DNMT3B: variants seen among roughly 807,000 people sequenced by gnomAD.
DNMT3B encodes DNA (cytosine-5)-methyltransferase 3B.
In DNMT3B, 37 loss-of-function variants were observed where a neutral mutation model predicts 120.2. The ratio of observed to expected loss-of-function variants is 0.31; its 90% CI spans 0.24 to 0.40. The LOEUF (loss-of-function observed/expected upper bound fraction) is 0.40, where lower values mean the gene tolerates loss of function less well. Among genes scored for constraint, DNMT3B ranks in the 10% least tolerant of loss-of-function variants. The pLI, the probability that DNMT3B is intolerant of heterozygous loss-of-function variation, is 1.00. For synonymous variants in DNMT3B, 412 were observed against 442.8 expected (o/e 0.93, Z 0.87); for missense variants, 878 against 1,137.3 (o/e 0.77, Z 3.28).
chr20:32,790,127 A>C (rs1256048580), intron 7 of DNMT3B, among the ~76,000 whole-genome samples: 1 of 152,184 alleles, frequency 6.6e-6, no homozygotes, highest in Non-Finnish European at 1.5e-5. Context: ...ATTTGCCATG[A>C]GCTAATTGAA....
chr20:32,793,558 T>C lies in DNMT3B; in HGVS notation c.1089T>C (p.Arg363=). The C allele has an allele frequency of 6.2e-7, 1 of 1,614,266 alleles. No individual in the cohort carries two copies. Among genetic ancestry groups the C allele is most frequent in the Non-Finnish European group, 8.5e-7 (1 of 1,180,038 alleles). The change falls in exon 10 of 23, where the codon CGT becomes CGC. Residue 363 remains arginine, a synonymous_variant. Coordinates refer to ENST00000328111, the MANE Select transcript of DNMT3B (RefSeq NM_006892.4). ...TQPVVNKSKV[R]RAGSRKLESR... is the part of the protein sequence containing the mutation. Reference sequence around the variant, plus strand: ...AAGTGGTTAATAAGTCGAAGGTGCGTCGTGCAGGCAGTAGGAAATTAGAAT... The same window carrying C: ...AAGTGGTTAATAAGTCGAAGGTGCGCCGTGCAGGCAGTAGGAAATTAGAAT...
chr20:32,765,422 C>CTT lies in DNMT3B; in HGVS notation c.-7+2725_-7+2726dup, dbSNP rs201623266. On this transcript the variant is annotated intron_variant, in intron 1 of 22. Coordinates refer to ENST00000328111, the MANE Select transcript of DNMT3B (RefSeq NM_006892.4). ...GTGAGCATTTTCTTTCTCTTTTTTT[C>CTT]TTTCTTTTTTTTTTTTTTGAGACAG... Among the ~76,000 whole-genome samples the CTT allele has an allele frequency of 1.6e-4, 19 of 121,312 alleles. 1 individual carries two copies. The highest frequency in any genetic ancestry group is 5.7e-4 in the African/African-American group (16 of 28,238). The allele number at this position is 121,312 out of a possible 152,430, so 79.6% of individuals were successfully genotyped here.
chr20:32,787,489 G>C, intron 6 of DNMT3B, 38 bp downstream of exon 6: 1 of 1,597,352 alleles, frequency 6.3e-7, no homozygotes, highest in Non-Finnish European at 8.5e-7. Flanking sequence ...GGTGACTGAG[G>C]ACCCTGAACA....
intron 1 of DNMT3B, among the ~76,000 whole-genome samples, chr20:32,774,674 C>T (rs1056012991): frequency 1.1e-4 from 16 of 151,766 alleles, no homozygotes; most frequent in Admixed American, 5.3e-4. Context: ...CCCATCCTCC[C>T]GTCTTTTTGG....
chr20:32,801,503 T>A, intron 19 of DNMT3B, 77 bp downstream of exon 19: 2 of 1,586,946 alleles, frequency 1.3e-6, no homozygotes, highest in Admixed American at 3.4e-5. Flanking sequence ...GATTGGTGGG[T>A]GTTGCCAACA....
At chr20:32,772,126 T>TG (rs1408772991) in intron 1 of DNMT3B, among the ~76,000 whole-genome samples, 1 of 152,226 alleles carries the variant, frequency 6.6e-6, no homozygotes, top group Non-Finnish European at 1.5e-5. Flanking sequence ...CTCTTGACCG[T>TG]GATTTGATTG....
chr20:32,788,689 C>T (rs1979619780), intron 6 of DNMT3B, among the ~76,000 whole-genome samples, 165 bp from the exon 7 acceptor site: 3 of 152,196 alleles, frequency 2.0e-5, no homozygotes, highest in Non-Finnish European at 2.9e-5. Context: ...CCCCCTGCCT[C>T]GGTCTCCCAA....
At chr20:32,784,938 T>A in intron 4 of DNMT3B, 79 bp downstream of exon 4, 1 of 1,376,154 alleles carries the variant, frequency 7.3e-7, no homozygotes, top group Non-Finnish European at 1.0e-6. Flanking sequence ...ATACATAGCA[T>A]AGCTCCTTAG....
chr20:32,799,183 C>T (rs1306024157), intron 15 of DNMT3B, 61 bp from the exon 16 acceptor site: 3 of 1,563,798 alleles, frequency 1.9e-6, no homozygotes, highest in Non-Finnish European at 2.6e-6. Context: ...CTGCCCCTCC[C>T]TCAGAGCTTG....
intron 3 of DNMT3B, among the ~76,000 whole-genome samples, chr20:32,783,987 T>C (rs958100048): frequency 5.3e-5 from 8 of 151,778 alleles, no homozygotes; most frequent in African/African-American, 1.9e-4. Context: ...CTCGGCTCGC[T>C]GTAACCTCCA....
At chr20:32,771,138 G>A (rs1275530125) in intron 1 of DNMT3B, among the ~76,000 whole-genome samples, 1 of 152,084 alleles carries the variant, frequency 6.6e-6, no homozygotes, top group Non-Finnish European at 1.5e-5. Flanking sequence ...CATATTTTCT[G>A]GTTACGATAG....
chr20:32,789,320 T>C (rs1426751041), intron 7 of DNMT3B, among the ~76,000 whole-genome samples: 1 of 152,190 alleles, frequency 6.6e-6, no homozygotes, highest in Non-Finnish European at 1.5e-5. Context: ...CGTGAGCAAG[T>C]ACCCAAAAGT....
chr20:32,778,688 A>G (rs1358100116), intron 1 of DNMT3B, among the ~76,000 whole-genome samples: 1 of 152,216 alleles, frequency 6.6e-6, no homozygotes, highest in Non-Finnish European at 1.5e-5. Flanking sequence ...CCCGCAATAC[A>G]AGGTGTGGCT....
chr20:32,789,978 G>GC (rs1979774779), intron 7 of DNMT3B, among the ~76,000 whole-genome samples: 1 of 152,198 alleles, frequency 6.6e-6, no homozygotes, highest in African/African-American at 2.4e-5. Flanking sequence ...CCTGAGAGAG[G>GC]CTAAGTTAGG....
Position 32,788,954 on chromosome 20 carries a change from G to C in DNMT3B, c.755G>C (p.Arg252Pro). ...GTGTCTTGGAAGGCCACCTCCAAGC[G>C]ACAGGCTATGTCTGGCATGCGGTGG... is the stretch of plus-strand genomic sequence containing the variant. Reference protein sequence around the residue: ...MVVSWKATSKRQAMSGMRWVQ... With the variant: ...MVVSWKATSKPQAMSGMRWVQ... Residue 252 changes from arginine (R) to proline (P), a missense_variant, in exon 7 of 23, where the codon CGA becomes CCA. By Grantham distance (103) the Arg-to-Pro change is moderately radical. Around this residue, in one of 4 missense-constraint regions of DNMT3B, gnomAD observed 50 missense variants for 89.7 expected, o/e 0.56. Transcript: ENST00000328111. The C allele has an allele frequency of 6.2e-7, 1 of 1,614,216 alleles. No homozygotes were observed. Among genetic ancestry groups the C allele is most frequent in the Non-Finnish European group, 8.5e-7 (1 of 1,180,046 alleles).
chr20:32,798,400 G>A, intron 14 of DNMT3B, 60 bp from the exon 15 acceptor site: 1 of 1,605,188 alleles, frequency 6.2e-7, no homozygotes, highest in Non-Finnish European at 8.5e-7. Context: ...AAGTGGTAAG[G>A]GGGTGGCACA....
chr20:32,794,688 TA>T (rs1475876169), intron 10 of DNMT3B, among the ~76,000 whole-genome samples: 4 of 152,192 alleles, frequency 2.6e-5, no homozygotes, highest in African/African-American at 9.7e-5. Context: ...ATGATTTTTT[TA>T]GCGCTAAATT....
At chr20:32,795,930 G>A (rs1980572884) in intron 12 of DNMT3B, among the ~76,000 whole-genome samples, 1 of 152,210 alleles carries the variant, frequency 6.6e-6, no homozygotes, top group Non-Finnish European at 1.5e-5. Context: ...GGGAAGCTGG[G>A]CCATTTTGGC....
At chr20:32,773,792 C>T (rs1479647642) in intron 1 of DNMT3B, among the ~76,000 whole-genome samples, 1 of 151,844 alleles carries the variant, frequency 6.6e-6, no homozygotes, top group African/African-American at 2.4e-5. Flanking sequence ...CCGACACATT[C>T]AGCTAATTTT....
Sources: gnomAD v4.1 joint callset for allele counts (sites outside exome capture counted in the v4.1 genomes callset) on GRCh38, gnomAD v4.1.1 for gene constraint, gnomAD v4.1.1 regional missense constraint, MANE v1.5 for transcripts, NCBI Gene and HGNC (gene_info 2026-07-23, HGNC 2026-07-21) for gene names.